Variants in GPC5 observed in about 807,000 individuals in gnomAD.
GPC5 encodes the protein glypican-5.
In GPC5, 47 loss-of-function variants were observed where a neutral mutation model predicts 53.9. That is an observed-to-expected ratio of 0.87 (90% CI 0.69 to 1.11). The LOEUF is 1.11. Ranked by LOEUF, GPC5 falls within the 50% of genes most tolerant of loss-of-function variation. The pLI is 0.00. For synonymous variants in GPC5, 286 were observed against 263.3 expected (o/e 1.09, Z -0.84); for missense variants, 748 against 713.1 (o/e 1.05, Z -0.56).
intron 7 of GPC5, among the ~76,000 whole-genome samples, chr13:92,289,765 T>C (rs1475542913): frequency 6.6e-6 from 1 of 151,960 alleles, no homozygotes; most frequent in Non-Finnish European, 1.5e-5. Flanking sequence ...CATCCTCCTT[T>C]TTCCATAGTA....
chr13:92,650,587 A>G (rs1167456393), intron 7 of GPC5, among the ~76,000 whole-genome samples: 3 of 152,126 alleles, frequency 2.0e-5, no homozygotes, highest in African/African-American at 7.2e-5. Flanking sequence ...ATATTCTTGA[A>G]AAACCACATA....
At chr13:92,761,149 A>G (rs980904423) in intron 7 of GPC5, among the ~76,000 whole-genome samples, 1 of 152,182 alleles carries the variant, frequency 6.6e-6, no homozygotes, top group Middle Eastern at 3.4e-3. Context: ...TGTTAAGCCT[A>G]TTTCTCCTTC....
At chr13:92,541,188 T>A (rs950621448) in intron 7 of GPC5, among the ~76,000 whole-genome samples, 1 of 151,844 alleles carries the variant, frequency 6.6e-6, no homozygotes, top group Non-Finnish European at 1.5e-5. Context: ...AAGCGTATTT[T>A]AAAATGTTTC....
At chr13:91,841,161 A>G (rs1033945844) in intron 5 of GPC5, among the ~76,000 whole-genome samples, 2 of 151,856 alleles carry the variant, frequency 1.3e-5, no homozygotes, top group African/African-American at 4.8e-5. Context: ...TTTCACACAG[A>G]CAGATGAATT....
chr13:91,860,456 TCCTTCCTTCCTTCCTG>T (rs1254642477), intron 5 of GPC5, among the ~76,000 whole-genome samples: 2 of 149,162 alleles, frequency 1.3e-5, no homozygotes, highest in East Asian at 4.0e-4. Flanking sequence ...TATCTATCCT[TCCTTCCTTCCTTCCTG>T]CCTTCCTTCC....
chr13:92,016,562 A>C (rs1323206503), intron 6 of GPC5, among the ~76,000 whole-genome samples: 1 of 152,062 alleles, frequency 6.6e-6, no homozygotes, highest in African/African-American at 2.4e-5. Context: ...ATATTTATGC[A>C]CCTTTCTGTG....
intron 2 of GPC5, among the ~76,000 whole-genome samples, chr13:91,480,105 A>G (rs1194297032): frequency 2.6e-5 from 4 of 152,202 alleles, no homozygotes; most frequent in Admixed American, 6.5e-5. Context: ...AGATGTTCTC[A>G]TTAGAAAGAA....
At chr13:92,861,140 A>T (rs1437690512) in intron 7 of GPC5, among the ~76,000 whole-genome samples, 1 of 152,130 alleles carries the variant, frequency 6.6e-6, no homozygotes, top group Non-Finnish European at 1.5e-5. Context: ...TTTACTCCTT[A>T]AAGAGTTTTA....
intron 6 of GPC5, among the ~76,000 whole-genome samples, chr13:92,074,109 C>T (rs1434208347): frequency 6.6e-6 from 1 of 152,118 alleles, no homozygotes; most frequent in Admixed American, 6.5e-5. Flanking sequence ...AAGGCTGAAA[C>T]ATCGTGAGTG....
intron 7 of GPC5, among the ~76,000 whole-genome samples, chr13:92,481,398 G>C (rs1879351267): frequency 6.6e-6 from 1 of 152,114 alleles, no homozygotes; most frequent in African/African-American, 2.4e-5. Flanking sequence ...ACCGCGCCTG[G>C]CCAATTTTTG....
intron 2 of GPC5, among the ~76,000 whole-genome samples, chr13:91,690,955 C>G (rs1384788219): frequency 6.6e-6 from 1 of 152,162 alleles, no homozygotes; most frequent in Non-Finnish European, 1.5e-5. Context: ...TGTGATTTAA[C>G]CATTATTGGT....
chr13:91,566,589 C>G (rs1235337788), intron 2 of GPC5, among the ~76,000 whole-genome samples: 2 of 151,978 alleles, frequency 1.3e-5, no homozygotes, highest in Admixed American at 1.3e-4. Context: ...AATTTCTGAA[C>G]TATTTCCCAG....
chr13:92,349,514 GTAT>G (rs1322988533), intron 7 of GPC5, among the ~76,000 whole-genome samples: 1 of 149,506 alleles, frequency 6.7e-6, no homozygotes, highest in African/African-American at 2.5e-5. Context: ...ACCTTTAGCT[GTAT>G]TAACGAGAAA....
chr13:92,330,257 G>A (rs2043279828), intron 7 of GPC5, among the ~76,000 whole-genome samples: 1 of 152,118 alleles, frequency 6.6e-6, no homozygotes, highest in Non-Finnish European at 1.5e-5. Context: ...GGTTAAAGGA[G>A]GCTGCCAGTG....
intron 2 of GPC5, among the ~76,000 whole-genome samples, chr13:91,577,343 G>A (rs773798402): frequency 1.3e-5 from 2 of 152,114 alleles, no homozygotes; most frequent in South Asian, 2.1e-4. Flanking sequence ...ATATAATATC[G>A]CAGTGGGGAG....
intron 3 of GPC5, among the ~76,000 whole-genome samples, chr13:91,713,863 C>T (rs1166367880): frequency 6.6e-6 from 1 of 152,150 alleles, no homozygotes; most frequent in African/African-American, 2.4e-5. Flanking sequence ...TTGAGTTGCT[C>T]TTTTATGTAG....
chr13:91,987,485 A>G (rs1414573497), intron 6 of GPC5, among the ~76,000 whole-genome samples: 3 of 152,130 alleles, frequency 2.0e-5, no homozygotes, highest in Non-Finnish European at 2.9e-5. Context: ...GTTCACAGGG[A>G]CTACTTTTAG....
chr13:91,765,336 A>G (rs2037501690), intron 5 of GPC5, among the ~76,000 whole-genome samples: 1 of 152,174 alleles, frequency 6.6e-6, no homozygotes, highest in Non-Finnish European at 1.5e-5. Flanking sequence ...CTTTTATTCA[A>G]TTAAGGTGGA....
At chr13:91,399,235 G>C (rs1566362844) in intron 1 of GPC5, 26 bp downstream of exon 1, 1 of 1,603,622 alleles carries the variant, frequency 6.2e-7, no homozygotes, top group East Asian at 2.2e-5. Flanking sequence ...GGGGTCTCTG[G>C]ACTGGCGGCG....
Sources: gnomAD v4.1 joint callset for allele counts (sites outside exome capture counted in the v4.1 genomes callset) on GRCh38, gnomAD v4.1.1 for gene constraint, MANE v1.5 for transcripts, NCBI Gene and HGNC (gene_info 2026-07-23, HGNC 2026-07-21) for gene names.